Variants in CCDC73 observed in about 807,000 individuals in gnomAD.
CCDC73 encodes the protein coiled-coil domain-containing protein 73.
In CCDC73, 95 loss-of-function variants were observed where a neutral mutation model predicts 116.5. The observed-to-expected ratio is 0.82, with a 90% CI of 0.69 to 0.97. The LOEUF is 0.97. CCDC73 is among the 50% of genes least tolerant of loss of function. The pLI, the probability that CCDC73 is intolerant of heterozygous loss-of-function variation, is 0.00. For missense variants in CCDC73, 1,066 were observed against 1,206.8 expected (o/e 0.88, Z 1.73); for synonymous variants, 398 against 401.3 (o/e 0.99, Z 0.10).
At chr11:32,820,508 A>G in the CCDC73 span, among the ~76,000 whole-genome samples, 2 of 152,230 alleles carry the variant, frequency 1.3e-5, no homozygotes, top group Non-Finnish European at 2.9e-5. Context: ...AAATAGCTGA[A>G]GAGGCATTAA....
intron 7 of CCDC73, chr11:32,683,165 G>T: frequency 4.0e-6 from 1 of 252,366 alleles, no homozygotes; most frequent in South Asian, 4.1e-5. Context: ...TGGAATATTT[G>T]CATTATACCT....
intron 1 of CCDC73, among the ~76,000 whole-genome samples, chr11:32,769,914 A>C (rs146955076): frequency 6.6e-6 from 1 of 152,200 alleles, no homozygotes; most frequent in African/African-American, 2.4e-5. Context: ...GAATCTTTGT[A>C]ACCTCCCAAA....
chr11:32,764,412 C>T (rs1400426604), intron 1 of CCDC73, among the ~76,000 whole-genome samples: 1 of 152,182 alleles, frequency 6.6e-6, no homozygotes, highest in Non-Finnish European at 1.5e-5. Flanking sequence ...AACAGCAGAT[C>T]TCTCAGCAGA....
chr11:32,814,336 T>C, the CCDC73 span, among the ~76,000 whole-genome samples: 1 of 152,234 alleles, frequency 6.6e-6, no homozygotes, highest in African/African-American at 2.4e-5. Flanking sequence ...CTTCCTAATA[T>C]TGCAGGCTAG....
chr11:32,763,726 C>G (rs556308817), intron 1 of CCDC73, among the ~76,000 whole-genome samples: 2 of 152,204 alleles, frequency 1.3e-5, no homozygotes, highest in African/African-American at 4.8e-5. Context: ...TCCAACGGAA[C>G]GCAGCTCCTC....
chr11:32,816,824 C>A, the CCDC73 span, among the ~76,000 whole-genome samples: 1 of 152,112 alleles, frequency 6.6e-6, no homozygotes, highest in Non-Finnish European at 1.5e-5. Context: ...ACTCTTGTCA[C>A]CTAGGCTAGA....
At chr11:32,691,266 G>A (rs948010008) in intron 6 of CCDC73, among the ~76,000 whole-genome samples, 3 of 151,892 alleles carry the variant, frequency 2.0e-5, no homozygotes, top group African/African-American at 7.3e-5. Flanking sequence ...GGCTGGTCTC[G>A]AACTCCTGAC....
At chr11:32,818,760 CA>C in the CCDC73 span, among the ~76,000 whole-genome samples, 1 of 152,176 alleles carries the variant, frequency 6.6e-6, no homozygotes, top group Non-Finnish European at 1.5e-5. Flanking sequence ...TGCTATAATG[CA>C]CGTATGTTCT....
intron 12 of CCDC73, among the ~76,000 whole-genome samples, chr11:32,645,504 T>G (rs1425473363): frequency 6.6e-6 from 1 of 152,070 alleles, no homozygotes. Context: ...TTGGTCAAGC[T>G]GGTTTTGAAC....
chr11:32,738,465 C>A (rs765403204), intron 2 of CCDC73, among the ~76,000 whole-genome samples: 2 of 152,136 alleles, frequency 1.3e-5, no homozygotes, highest in African/African-American at 4.8e-5. Context: ...TGATGTTGAA[C>A]ATCTTTTCAT....
intron 6 of CCDC73, among the ~76,000 whole-genome samples, chr11:32,684,286 C>G (rs1034973837): frequency 3.3e-5 from 5 of 152,096 alleles, no homozygotes; most frequent in Non-Finnish European, 4.4e-5. Flanking sequence ...CTCCTGGGCT[C>G]AAGAGATCCT....
chr11:32,739,160 T>C (rs1002045518), intron 2 of CCDC73, among the ~76,000 whole-genome samples: 1 of 152,212 alleles, frequency 6.6e-6, no homozygotes, highest in Admixed American at 6.5e-5. Context: ...TTGTTCAGGA[T>C]AGCTTTGGCT....
At chr11:32,770,504 G>A (rs1850483761) in intron 1 of CCDC73, among the ~76,000 whole-genome samples, 1 of 152,044 alleles carries the variant, frequency 6.6e-6, no homozygotes, top group South Asian at 2.1e-4. Flanking sequence ...GGTAAGAGAG[G>A]TTCTTGTGTT....
the CCDC73 span, among the ~76,000 whole-genome samples, chr11:32,812,125 C>CT: frequency 1.3e-5 from 2 of 152,218 alleles, no homozygotes; most frequent in African/African-American, 2.4e-5. Flanking sequence ...TTTTCCTCCA[C>CT]TTAGCAGTGA....
At chr11:32,709,886 T>C (rs1373617112) in intron 3 of CCDC73, among the ~76,000 whole-genome samples, 1 of 152,210 alleles carries the variant, frequency 6.6e-6, no homozygotes, top group South Asian at 2.1e-4. Flanking sequence ...TCACTGCTTG[T>C]TATTGGTCTG....
chr11:32,779,947 C>T (rs1850568448), intron 1 of CCDC73, among the ~76,000 whole-genome samples: 1 of 152,046 alleles, frequency 6.6e-6, no homozygotes, highest in Non-Finnish European at 1.5e-5. Context: ...TAAAAGTGAA[C>T]ACCTCAATGG....
At position 32,615,979 on chromosome 11, in the gene CCDC73, T is replaced by C. The variant is rs751091078; in HGVS notation, c.1336A>G (p.Lys446Glu). The stretch of plus-strand genomic sequence containing the variant: ...TCCTCTATAAATGAGCCTTCTTTTT[T>C]TTCTTCTTTTTCTCTGTATTCAGTA... ...SDTEYREKEE[K>E]KEGSFIEEII... The change falls in exon 15 of 18, where the codon AAA becomes GAA. Residue 446 changes from lysine (K) to glutamate (E), a missense_variant. Transcript: ENST00000335185. The C allele has an allele frequency of 6.3e-7, 1 of 1,586,990 alleles. No homozygotes were observed. The highest frequency in any genetic ancestry group is 1.1e-5 in the South Asian group (1 of 87,158).
the CCDC73 span, among the ~76,000 whole-genome samples, chr11:32,816,578 G>A: frequency 6.6e-6 from 1 of 152,036 alleles, no homozygotes; most frequent in South Asian, 2.1e-4. Context: ...AAGAAAAGAA[G>A]GATAAGGACT....
intron 3 of CCDC73, among the ~76,000 whole-genome samples, chr11:32,707,727 AAGGGGG>A: frequency 6.6e-6 from 1 of 152,168 alleles, no homozygotes. Context: ...GATTAATCTC[AAGGGGG>A]TAAATGTATC....
Sources: gnomAD v4.1 joint callset for allele counts (sites outside exome capture counted in the v4.1 genomes callset) on GRCh38, gnomAD v4.1.1 for gene constraint, MANE v1.5 for transcripts, NCBI Gene and HGNC (gene_info 2026-07-23, HGNC 2026-07-21) for gene names.